CEP85L: variants seen among roughly 807,000 people sequenced by gnomAD.
CEP85L encodes the protein centrosomal protein of 85 kDa-like.
In CEP85L, 60 loss-of-function variants were observed where a neutral mutation model predicts 100.3. The observed-to-expected ratio is 0.60, with a 90% CI of 0.49 to 0.74. The LOEUF (loss-of-function observed/expected upper bound fraction) is 0.74. Among genes scored for constraint, CEP85L ranks in the 30% least tolerant of loss-of-function variants. CEP85L has a pLI of 0.00. For synonymous variants in CEP85L, 319 were observed against 322.7 expected (o/e 0.99, Z 0.12); for missense variants, 973 against 936.2 (o/e 1.04, Z -0.51).
chr6:118,561,583 T>C (rs1479263999), intron 3 of CEP85L, among the ~76,000 whole-genome samples: 1 of 151,026 alleles, frequency 6.6e-6, no homozygotes, highest in Non-Finnish European at 1.5e-5. Context: ...TAAGTTCTTA[T>C]CTTAATTTAC....
chr6:118,666,382 T>A (rs1776134189), intron 1 of CEP85L, among the ~76,000 whole-genome samples: 1 of 152,180 alleles, frequency 6.6e-6, no homozygotes, highest in Non-Finnish European at 1.5e-5. Context: ...ATTAAATGAC[T>A]GCCCCCAAAA....
chr6:118,696,681 T>TTGTTG (rs1554247240), intron 1 of CEP85L, among the ~76,000 whole-genome samples: 3 of 151,050 alleles, frequency 2.0e-5, no homozygotes, highest in East Asian at 1.9e-4. Context: ...CACAGAGTTT[T>TTGTTG]TTGTTGTTGT....
intron 1 of CEP85L, among the ~76,000 whole-genome samples, chr6:118,709,532 CGT>C (rs1209782027): frequency 6.9e-5 from 6 of 87,208 alleles, no homozygotes; most frequent in South Asian, 1.0e-3. Flanking sequence ...CAACAATTGG[CGT>C]GTGTGTGTGT....
At chr6:118,490,332 T>G (rs147286222) in intron 6 of CEP85L, among the ~76,000 whole-genome samples, 1 of 152,240 alleles carries the variant, frequency 6.6e-6, no homozygotes, top group South Asian at 2.1e-4. Context: ...CATCTTGTAT[T>G]AAATGTTCTT....
chr6:118,692,086 G>A (rs929992042), intron 1 of CEP85L, among the ~76,000 whole-genome samples: 1 of 152,050 alleles, frequency 6.6e-6, no homozygotes, highest in Non-Finnish European at 1.5e-5. Context: ...ACAAGGCTGA[G>A]GTGTATGGAA....
chr6:118,634,644 C>G (rs1033348142), intron 1 of CEP85L, among the ~76,000 whole-genome samples: 1 of 149,844 alleles, frequency 6.7e-6, no homozygotes, highest in African/African-American at 2.4e-5. Context: ...TGATTCAACA[C>G]TCACATTAAA....
chr6:118,502,536 C>A (rs779548488), intron 5 of CEP85L: 3 of 486,296 alleles, frequency 6.2e-6, no homozygotes, highest in African/African-American at 3.9e-5. Context: ...CTCTAATACT[C>A]AAGATAGGCT....
At chr6:118,691,315 C>A (rs1321417390) in intron 1 of CEP85L, among the ~76,000 whole-genome samples, 2 of 151,766 alleles carry the variant, frequency 1.3e-5, no homozygotes, top group Non-Finnish European at 2.9e-5. Flanking sequence ...GGCGGATCAC[C>A]TGAGGTTGGG....
intron 1 of CEP85L, among the ~76,000 whole-genome samples, chr6:118,681,946 G>T (rs1157431840): frequency 6.6e-6 from 1 of 151,878 alleles, no homozygotes; most frequent in Non-Finnish European, 1.5e-5. Context: ...TCGCCATGTT[G>T]CCAGGCTGGT....
chr6:118,462,583 CAAT>C lies in CEP85L; in HGVS notation c.*2819_*2821del, dbSNP rs1295960538. On this transcript the variant is annotated 3_prime_UTR_variant, in exon 13 of 13. Transcript: ENST00000368491. Reference sequence around the variant, plus strand: ...ACAAGTGTTGGATTCACAAAAAGCACAATTAAAACGAGGTTTCATTATCTAAGT... The same window carrying C: ...ACAAGTGTTGGATTCACAAAAAGCACTAAAACGAGGTTTCATTATCTAAGT... The C allele has an allele frequency of 6.6e-6, 1 of 151,910 alleles. No individual in the cohort carries two copies. Among genetic ancestry groups the C allele is most frequent in the Non-Finnish European group, 1.5e-5 (1 of 67,874 alleles). 9.4% of individuals were successfully genotyped at this position (151,910 alleles called of 1,614,324 possible).
At chr6:118,480,979 T>C (rs952198885) in intron 8 of CEP85L, among the ~76,000 whole-genome samples, 1 of 152,002 alleles carries the variant, frequency 6.6e-6, no homozygotes, top group Non-Finnish European at 1.5e-5. Context: ...ATCAGTAGAG[T>C]TGCATTTCTC....
intron 4 of CEP85L, among the ~76,000 whole-genome samples, chr6:118,514,237 T>G (rs982865437): frequency 1.3e-5 from 2 of 152,000 alleles, no homozygotes; most frequent in Admixed American, 1.3e-4. Context: ...AGAAAACAAA[T>G]AGCAATGCCA....
intron 1 of CEP85L, among the ~76,000 whole-genome samples, chr6:118,699,586 A>G (rs1056972247): frequency 6.6e-6 from 1 of 152,036 alleles, no homozygotes; most frequent in Non-Finnish European, 1.5e-5. Flanking sequence ...ATCTGTTTTT[A>G]TCTTTGTAAC....
intron 1 of CEP85L, among the ~76,000 whole-genome samples, chr6:118,634,511 T>C (rs1047663244): frequency 1.3e-5 from 2 of 152,194 alleles, no homozygotes; most frequent in African/African-American, 4.8e-5. Context: ...ACATTTAAAT[T>C]AACAAATCAA....
intron 1 of CEP85L, among the ~76,000 whole-genome samples, chr6:118,686,582 T>G (rs1272297272): frequency 1.3e-5 from 2 of 152,332 alleles, no homozygotes; most frequent in Non-Finnish European, 2.9e-5. Context: ...CTATTCTGCT[T>G]GAAGATAAAC....
rs151025171 is a variant in CEP85L, at chr6:118,514,742, C to A, written c.1140-3327G>T. Among the ~76,000 whole-genome samples, 573 of 151,746 alleles carry A rather than the reference C, an allele frequency of 3.8e-3. 5 individuals carry two copies. The highest frequency in any genetic ancestry group is 0.013 in the African/African-American group (543 of 41,386). ...CAGGTTAAAAGTAAAAAGAGGAAAA[C>A]CTGTGCTAAAAATAATCAAAAGAGA... On this transcript the variant is annotated intron_variant, in intron 4 of 12. Coordinates refer to ENST00000368491, the MANE Select transcript of CEP85L (RefSeq NM_001042475.3).
intron 12 of CEP85L, among the ~76,000 whole-genome samples, chr6:118,467,588 G>A (rs1487304985): frequency 6.6e-6 from 1 of 152,142 alleles, no homozygotes; most frequent in East Asian, 1.9e-4. Flanking sequence ...AGTATTGGGA[G>A]GTGGGCGTGG....
chr6:118,684,851 T>C (rs1261249574), intron 1 of CEP85L, among the ~76,000 whole-genome samples: 6 of 152,198 alleles, frequency 3.9e-5, no homozygotes, highest in Non-Finnish European at 5.9e-5. Flanking sequence ...AAGATCTCAC[T>C]ATGTTGCCCA....
At chr6:118,558,686 GAGGGAGA>G in intron 3 of CEP85L, 1 of 510,048 alleles carries the variant, frequency 2.0e-6, no homozygotes, top group Non-Finnish European at 3.5e-6. Context: ...GAGAGAGAGA[GAGGGAGA>G]GAGACTATAG....
Sources: allele counts gnomAD v4.1 joint callset (sites outside exome capture counted in the v4.1 genomes callset), GRCh38; gene constraint gnomAD v4.1.1; transcripts MANE v1.5; gene names NCBI Gene and HGNC (gene_info 2026-07-23, HGNC 2026-07-21).